Variants in HACD3 observed in about 807,000 individuals in gnomAD.
The protein encoded by HACD3 is 3-hydroxyacyl-CoA dehydratase 3, also known as very-long-chain (3R)-3-hydroxyacyl-CoA dehydratase 3.
HACD3 carries 30 observed loss-of-function variants against 55.2 expected under a neutral mutation model. That is an observed-to-expected ratio of 0.54 (90% CI 0.41 to 0.74). The LOEUF (loss-of-function observed/expected upper bound fraction) is 0.74, where lower values mean the gene tolerates loss of function less well. HACD3 is among the 30% of genes least tolerant of loss of function. The pLI is 0.00. For synonymous variants in HACD3, 141 were observed against 151.7 expected (o/e 0.93, Z 0.52); for missense variants, 363 against 440.1 (o/e 0.82, Z 1.57).
At chr15:65,572,186 A>C (rs1466698449) in intron 9 of HACD3, 49 bp from the exon 10 acceptor site, 2 of 1,603,620 alleles carry the variant, frequency 1.2e-6, no homozygotes, top group African/African-American at 2.7e-5. Context: ...CCTGTCATTA[A>C]ATGTGACTGT....
rs2141216665 is a variant in HACD3 at position 65,556,906 on chromosome 15, T to A, written c.369+3T>A. Reference sequence around the variant, plus strand: ...CGGAAATGGAGCTCAGAGCTAAGGTTAGTAAGGATCCTAGGATCTAGCCAT... The same window carrying A: ...CGGAAATGGAGCTCAGAGCTAAGGTAAGTAAGGATCCTAGGATCTAGCCAT... On this transcript the variant is annotated splice_donor_region_variant and intron_variant, in intron 4 of 10. Coordinates refer to ENST00000261875, the MANE Select transcript of HACD3 (RefSeq NM_016395.4). 6.2e-7 allele frequency: 1 copy of A among 1,609,694 alleles called. No homozygotes were observed. Among genetic ancestry groups the A allele is most frequent in the Non-Finnish European group, 8.5e-7 (1 of 1,177,714 alleles).
intron 5 of HACD3, among the ~76,000 whole-genome samples, chr15:65,561,657 G>T (rs1167993912): frequency 6.6e-6 from 1 of 152,004 alleles, no homozygotes; most frequent in East Asian, 1.9e-4. Flanking sequence ...TGACCAAGTG[G>T]GTGGGTTTTT....
At chr15:65,537,139 A>T (rs539758166) in intron 1 of HACD3, among the ~76,000 whole-genome samples, 2 of 152,224 alleles carry the variant, frequency 1.3e-5, no homozygotes, top group Non-Finnish European at 2.9e-5. Flanking sequence ...AGGAAGCTGC[A>T]GAAGAGAAAT....
In HACD3 at chr15:65,571,584, T is replaced by G. The variant is rs766200645; in HGVS notation, c.810T>G (p.Asp270Glu). 1.2e-6 allele frequency: 2 copies of G among 1,613,906 alleles called. No individual in the cohort carries two copies. The highest frequency in any genetic ancestry group is 8.5e-7 in the Non-Finnish European group (1 of 1,179,766). The change falls in exon 9 of 11, where the codon GAT becomes GAG. Residue 270 changes from aspartate to glutamate, a missense_variant. Physicochemically the swap from Asp to Glu is conservative, Grantham distance 45. Coordinates refer to ENST00000261875, the MANE Select transcript of HACD3 (RefSeq NM_016395.4). ...ACATGCTGACGTGCATTGACATGGA[T>G]TGGAAGGTGCTCACATGGCTTCGTT... Reference protein sequence around the residue: ...SFYMLTCIDMDWKVLTWLRYT... With the variant: ...SFYMLTCIDMEWKVLTWLRYT...
At position 65,572,314 on chromosome 15, in the gene HACD3, C is replaced by G; in HGVS notation, c.960C>G (p.Ile320Met). The G allele has an allele frequency of 6.2e-7, 1 of 1,613,074 alleles. No individual in the cohort carries two copies. Among genetic ancestry groups the G allele is most frequent in the Non-Finnish European group, 8.5e-7 (1 of 1,179,708 alleles). The part of the protein sequence containing the change: ...FSFTLPYPVK[I>M]KVRFSFFLQI... The stretch of plus-strand genomic sequence containing the variant: ...TCACATTGCCATATCCAGTGAAAAT[C>G]AAAGTTAGATTTTCCTTTTTTCTTC... Residue 320 changes from isoleucine (I) to methionine (M), a missense_variant, in exon 10 of 11, where the codon ATC becomes ATG. Transcript: ENST00000261875.
In HACD3 at chr15:65,530,711, A is replaced by T; in HGVS notation, c.80A>T (p.Asp27Val). Residue 27 changes from aspartate (D) to valine (V), a missense_variant, in exon 1 of 11, where the codon GAC becomes GTC. Asp to Val is a radical substitution (Grantham distance 152). Coordinates refer to ENST00000261875, the MANE Select transcript of HACD3 (RefSeq NM_016395.4). ...CTATATCTGCGCGTGGAGCTGAGTG[A>T]CGTACAGGTAAAGGCCGGGTCGGGC... is the stretch of plus-strand genomic sequence containing the variant. ...RELYLRVELS[D>V]VQNPAISITE... 2 of 1,563,276 alleles carry T rather than the reference A, an allele frequency of 1.3e-6. No individual in the cohort carries two copies. Among genetic ancestry groups the T allele is most frequent in the Non-Finnish European group, 1.7e-6 (2 of 1,155,612 alleles).
intron 5 of HACD3, 109 bp from the exon 6 acceptor site, chr15:65,562,662 TAGG>T: frequency 7.1e-7 from 1 of 1,415,960 alleles, no homozygotes; most frequent in Non-Finnish European, 9.5e-7. Context: ...TGTGGGAGCT[TAGG>T]AGCATTCAGG....
chr15:65,556,129 G>T (rs2072186311), intron 3 of HACD3, among the ~76,000 whole-genome samples: 1 of 152,196 alleles, frequency 6.6e-6, no homozygotes, highest in Admixed American at 6.5e-5. Flanking sequence ...TTTTTCCACA[G>T]ATGGTGGAAT....
chr15:65,542,992 T>A (rs1197539616), intron 1 of HACD3, among the ~76,000 whole-genome samples: 2 of 149,990 alleles, frequency 1.3e-5, no homozygotes, highest in African/African-American at 4.9e-5. Flanking sequence ...GAGAATCGCT[T>A]GAACCCAGGA....
chr15:65,538,443 G>C (rs2071985787), intron 1 of HACD3, among the ~76,000 whole-genome samples: 1 of 152,208 alleles, frequency 6.6e-6, no homozygotes, highest in African/African-American at 2.4e-5. Context: ...CTTAGAAGTG[G>C]AGCCTGAAGG....
chr15:65,566,190 A>G (rs146217903), intron 7 of HACD3: 1 of 152,432 alleles, frequency 6.6e-6, no homozygotes, highest in African/African-American at 2.4e-5. Context: ...ACGAGGTTCC[A>G]AACTTACCTA....
intron 1 of HACD3, among the ~76,000 whole-genome samples, chr15:65,542,013 G>A (rs896723750): frequency 3.3e-5 from 5 of 151,958 alleles, no homozygotes; most frequent in African/African-American, 7.2e-5. Context: ...GGCAGACCAC[G>A]AGGTCAATAG....
chr15:65,573,205 T>TTA (rs2141227205), intron 10 of HACD3, among the ~76,000 whole-genome samples: 1 of 152,194 alleles, frequency 6.6e-6, no homozygotes, highest in Non-Finnish European at 1.5e-5. Context: ...ATTCCTGCCT[T>TTA]TATAAACTAA....
intron 1 of HACD3, among the ~76,000 whole-genome samples, chr15:65,549,448 A>AT (rs2072110524): frequency 7.0e-6 from 1 of 142,556 alleles, no homozygotes; most frequent in South Asian, 2.2e-4. Context: ...AAAAAAAAAA[A>AT]AATTAGCTGG....
In HACD3 at chr15:65,554,930, C is replaced by T. The variant is rs2141215231; in HGVS notation, c.174C>T (p.His58=). The T allele has an allele frequency of 6.2e-7, 1 of 1,612,124 alleles. No individual in the cohort carries two copies. Among genetic ancestry groups the T allele is most frequent in the South Asian group, 1.1e-5 (1 of 91,036 alleles). The change falls in exon 3 of 11, where the codon CAC becomes CAT. Residue 58 remains histidine, a synonymous_variant. Transcript: ENST00000261875. ...GAKGDNVYEF[H]LEFLDLVKPE... is the part of the protein sequence containing the mutation. ...AAGGAGACAATGTCTATGAATTTCA[C>T]CTGGAGTTCTTAGACCTTGTGAAAC...
chr15:65,556,969 A>T, intron 4 of HACD3, 66 bp downstream of exon 4: 1 of 1,430,188 alleles, frequency 7.0e-7, no homozygotes. Context: ...TATTCAGGCC[A>T]CTTCAGATAC....
At position 65,537,952 on chromosome 15, in the gene HACD3, AAAAAAAATATATATATATAT is replaced by A. The variant is rs1241399344; in HGVS notation, c.87+7236_87+7255del. On this transcript the variant is annotated intron_variant, in intron 1 of 10. Transcript: ENST00000261875. Reference sequence around the variant, plus strand: ...CTTCTCAGAAAAAAAAAAAAAAAAAAAAAAAAATATATATATATATATATATATATATATATATATATATA... The same window carrying A: ...CTTCTCAGAAAAAAAAAAAAAAAAAAATATATATATATATATATATATATA... 4.7e-3 allele frequency among the ~76,000 whole-genome samples: 108 copies of A among 23,062 alleles called. No homozygotes were observed. In the East Asian group the frequency reaches 0.077, roughly 16 times the overall value. The allele number at this position is 23,062 out of a possible 152,430, so 15.1% of individuals were successfully genotyped here.
intron 1 of HACD3, among the ~76,000 whole-genome samples, chr15:65,538,736 G>T (rs1165588480): frequency 6.6e-6 from 1 of 152,158 alleles, no homozygotes; most frequent in African/African-American, 2.4e-5. Flanking sequence ...GTGAAGGAAA[G>T]ACTCAATCAA....
intron 7 of HACD3, among the ~76,000 whole-genome samples, chr15:65,568,673 A>G (rs1017785444): frequency 1.3e-5 from 2 of 152,038 alleles, no homozygotes; most frequent in Non-Finnish European, 2.9e-5. Context: ...TGTGTATTTT[A>G]CCACAATTTT....
Sources: allele counts gnomAD v4.1 joint callset (sites outside exome capture counted in the v4.1 genomes callset), GRCh38; gene constraint gnomAD v4.1.1; transcripts MANE v1.5; gene names NCBI Gene and HGNC (gene_info 2026-07-23, HGNC 2026-07-21).